SNTB2: variants seen among roughly 807,000 people sequenced by gnomAD.
SNTB2 encodes the protein syntrophin beta 2.
A neutral mutation model predicts 46.2 loss-of-function variants in SNTB2; 34 were observed. The observed-to-expected ratio is 0.74, with a 90% CI of 0.56 to 0.98. SNTB2 has a LOEUF of 0.98. Ranked by LOEUF, SNTB2 falls within the 50% of genes least tolerant of loss-of-function variation. The pLI, the probability that SNTB2 is intolerant of heterozygous loss-of-function variation, is 0.00. For missense variants in SNTB2, 603 were observed against 731.4 expected (o/e 0.82, Z 2.02); for synonymous variants, 290 against 312.6 (o/e 0.93, Z 0.76).
At chr16:69,219,304 T>C (rs1964377540) in intron 1 of SNTB2, among the ~76,000 whole-genome samples, 1 of 152,218 alleles carries the variant, frequency 6.6e-6, no homozygotes, top group Admixed American at 6.5e-5. Context: ...AGGGCCATCA[T>C]GGAAGAGCTG....
intron 1 of SNTB2, among the ~76,000 whole-genome samples, chr16:69,192,276 A>C (rs908772027): frequency 1.3e-5 from 2 of 152,212 alleles, no homozygotes; most frequent in Admixed American, 6.5e-5. Context: ...ACTTTAAAGC[A>C]GTTGATGCTT....
intron 1 of SNTB2, among the ~76,000 whole-genome samples, chr16:69,205,083 A>G (rs1305984142): frequency 6.6e-6 from 1 of 152,076 alleles, no homozygotes; most frequent in Non-Finnish European, 1.5e-5. Context: ...CCTAGACTTT[A>G]AGGGAGGAAA....
chr16:69,210,907 C>G (rs540017932), intron 1 of SNTB2, among the ~76,000 whole-genome samples: 11 of 152,196 alleles, frequency 7.2e-5, no homozygotes, highest in Non-Finnish European at 1.5e-4. Context: ...AGGAGAATCG[C>G]TTGTACCTGG....
At chr16:69,274,935 G>A (rs1964972444) in intron 4 of SNTB2, among the ~76,000 whole-genome samples, 1 of 152,034 alleles carries the variant, frequency 6.6e-6, no homozygotes, top group African/African-American at 2.4e-5. Context: ...TAAATGGGTG[G>A]GTCTTATAGA....
intron 1 of SNTB2, among the ~76,000 whole-genome samples, chr16:69,212,441 C>T (rs1403763336): frequency 5.3e-5 from 8 of 152,034 alleles, no homozygotes; most frequent in African/African-American, 1.7e-4. Flanking sequence ...CGGGTTCAAG[C>T]GATTCTCCTG....
chr16:69,242,645 T>C (rs1048276306), intron 1 of SNTB2, among the ~76,000 whole-genome samples: 7 of 152,174 alleles, frequency 4.6e-5, no homozygotes, highest in African/African-American at 1.4e-4. Context: ...AGTACATGTA[T>C]GTGTTTTTGT....
rs1031013054 is a variant in SNTB2, at chr16:69,303,079, C to T, written c.*2155C>T. The T allele has an allele frequency of 6.6e-6, 1 of 152,172 alleles. No homozygotes were observed. Among genetic ancestry groups the T allele is most frequent in the African/African-American group, 2.4e-5 (1 of 41,414 alleles). The allele number at this position is 152,172 out of a possible 1,614,324, so 9.4% of individuals were successfully genotyped here. ...GCAGGTTTTCACCATGTTGGCTAGG[C>T]TGGTCTTGAACTCCCGACCTCAAGT... On this transcript the variant is annotated 3_prime_UTR_variant, in exon 7 of 7. Transcript: ENST00000336278.
chr16:69,270,366 T>C, intron 4 of SNTB2, 81 bp downstream of exon 4: 4 of 1,548,612 alleles, frequency 2.6e-6, no homozygotes, highest in South Asian at 1.2e-5. Context: ...AATTCTGTTA[T>C]CTTAGGTGCC....
chr16:69,303,601 C>T lies in SNTB2; in HGVS notation c.*2677C>T, dbSNP rs1276980836. The stretch of plus-strand genomic sequence containing the variant: ...GTGAAATGAAAGTGTGGGAGGTTTC[C>T]TTTGTCCATTAGCAGCCCCAAGAAC... On this transcript the variant is annotated 3_prime_UTR_variant, in exon 7 of 7. Coordinates refer to ENST00000336278, the MANE Select transcript of SNTB2 (RefSeq NM_006750.4). The T allele has an allele frequency of 6.6e-6, 1 of 152,526 alleles. No individual in the cohort carries two copies. Among genetic ancestry groups the T allele is most frequent in the Non-Finnish European group, 1.5e-5 (1 of 68,046 alleles). The allele number at this position is 152,526 out of a possible 1,614,324, so 9.4% of individuals were successfully genotyped here. A position where few individuals can be genotyped will look rare whatever the true frequency, so the allele number is the denominator to read the frequency against.
Position 69,300,828 on chromosome 16 carries a change from A to C in SNTB2, c.1531-4A>C. 2 of 1,606,408 alleles carry C rather than the reference A, an allele frequency of 1.2e-6. No homozygotes were observed. Among genetic ancestry groups the C allele is most frequent in the Non-Finnish European group, 1.7e-6 (2 of 1,173,104 alleles). ...TAGTGATGCTTAGTGTCCTTTCTCC[A>C]CAGACCATGGACCTGCACTCTTGTC... On this transcript the variant is annotated splice_polypyrimidine_tract_variant and splice_region_variant and intron_variant, in intron 6 of 6. Transcript: ENST00000336278.
At chr16:69,248,956 T>A (rs1964698345) in intron 2 of SNTB2, among the ~76,000 whole-genome samples, 1 of 147,420 alleles carries the variant, frequency 6.8e-6, no homozygotes, top group Admixed American at 6.8e-5. Context: ...AAATTGCAAC[T>A]ACATTTGTCA....
chr16:69,305,397 A>G lies in SNTB2; in HGVS notation c.*4473A>G, dbSNP rs1430394503. 2 of 152,240 alleles carry G rather than the reference A, an allele frequency of 1.3e-5. No homozygotes were observed. The highest frequency in any genetic ancestry group is 2.9e-5 in the Non-Finnish European group (2 of 68,046). The allele number at this position is 152,240 out of a possible 1,614,324, so 9.4% of individuals were successfully genotyped here. A position where few individuals can be genotyped will look rare whatever the true frequency, so the allele number is the denominator to read the frequency against. ...TGGTTATAAGCTATTCCTTGTACATAATATTTAAACTATCCAAATATCCAG... is the reference window on the plus strand; with the variant it reads ...TGGTTATAAGCTATTCCTTGTACATGATATTTAAACTATCCAAATATCCAG... On this transcript the variant is annotated 3_prime_UTR_variant, in exon 7 of 7. Coordinates refer to ENST00000336278, the MANE Select transcript of SNTB2 (RefSeq NM_006750.4).
At chr16:69,284,433 G>A (rs540603086) in intron 5 of SNTB2, among the ~76,000 whole-genome samples, 189 bp downstream of exon 5, 1 of 138,784 alleles carries the variant, frequency 7.2e-6, no homozygotes, top group African/African-American at 2.8e-5. Context: ...TGCAGCCTGG[G>A]CAACATGGTG....
intron 2 of SNTB2, among the ~76,000 whole-genome samples, chr16:69,259,193 AT>A (rs1964809140): frequency 7.3e-6 from 1 of 136,674 alleles, no homozygotes; most frequent in Non-Finnish European, 1.6e-5. Context: ...TCTTTTTTTA[AT>A]TTTTTCTCAG....
intron 5 of SNTB2, among the ~76,000 whole-genome samples, chr16:69,291,259 A>C (rs1051373689): frequency 1.1e-4 from 17 of 152,292 alleles, no homozygotes; most frequent in African/African-American, 4.1e-4. Flanking sequence ...TAACACACAC[A>C]GTCCTATGGC....
intron 1 of SNTB2, among the ~76,000 whole-genome samples, chr16:69,189,697 A>G (rs999518058): frequency 6.6e-6 from 1 of 152,242 alleles, no homozygotes; most frequent in Non-Finnish European, 1.5e-5. Context: ...AGATCTCACC[A>G]CTGCACTCCA....
Position 69,300,916 on chromosome 16 carries a change from C to A in SNTB2, c.1615C>A (p.Leu539Ile). Residue 539 changes from leucine to isoleucine, a missense_variant, in exon 7 of 7, where the codon CTT (leucine) becomes ATT (isoleucine). By Grantham distance (5) the Leu-to-Ile change is conservative. Coordinates refer to ENST00000336278, the MANE Select transcript of SNTB2 (RefSeq NM_006750.4). Reference sequence around the variant, plus strand: ...GGCCAAAGTCACTCGTATGGGACTGCTTGTATGAGCAACAAAAAATCAGAA... The same window carrying A: ...GGCCAAAGTCACTCGTATGGGACTGATTGTATGAGCAACAAAAAATCAGAA... ...LSAKVTRMGL[L>I]V The A allele has an allele frequency of 6.2e-7, 1 of 1,601,752 alleles. No individual in the cohort carries two copies. Among genetic ancestry groups the A allele is most frequent in the Non-Finnish European group, 8.5e-7 (1 of 1,169,730 alleles).
chr16:69,213,988 AT>A (rs1964318058), intron 1 of SNTB2, among the ~76,000 whole-genome samples: 1 of 143,280 alleles, frequency 7.0e-6, no homozygotes, highest in Non-Finnish European at 1.5e-5. Flanking sequence ...TGCCCGGCTA[AT>A]TTTTTTGTAG....
chr16:69,267,876 A>G (rs1964900877), intron 3 of SNTB2, among the ~76,000 whole-genome samples: 1 of 152,230 alleles, frequency 6.6e-6, no homozygotes, highest in Non-Finnish European at 1.5e-5. Flanking sequence ...ACTCTAACCG[A>G]TAAGTGATTC....
Sources: gnomAD v4.1 joint callset for allele counts (sites outside exome capture counted in the v4.1 genomes callset) on GRCh38, gnomAD v4.1.1 for gene constraint, MANE v1.5 for transcripts, NCBI Gene and HGNC (gene_info 2026-07-23, HGNC 2026-07-21) for gene names.